SLFN12: variants seen among roughly 807,000 people sequenced by gnomAD.
SLFN12 encodes the protein ribonuclease SLFN12.
SLFN12 carries 25 observed loss-of-function variants against 29.1 expected under a neutral mutation model. That is an observed-to-expected ratio of 0.86 (90% CI 0.63 to 1.20). The LOEUF is 1.20. Ranked by LOEUF, SLFN12 falls within the 50% of genes most tolerant of loss-of-function variation. The pLI, the probability that SLFN12 is intolerant of heterozygous loss-of-function variation, is 0.00. For missense variants in SLFN12, 660 were observed against 666.2 expected, an observed-to-expected ratio of 0.99 and a Z score of 0.10; for synonymous variants, 257 against 238.7, an observed-to-expected ratio of 1.08 and a Z score of -0.71.
In SLFN12 at chr17:35,421,972, G is replaced by A. The variant is rs769677899; in HGVS notation, c.1039+18C>T. The A allele has an allele frequency of 2.5e-6, 4 of 1,605,770 alleles. No homozygotes were observed. The Admixed American group carries it at 6.7e-5, about 27-fold the overall frequency. On this transcript the variant is annotated intron_variant, in intron 2 of 3. Transcript: ENST00000304905. ...CCCAAGCCAAATGCATTCCTGTTGC[G>A]AATCCCCCGCTCTCAACTTGGTTCA...
chr17:35,417,342 T>C (rs1258155129), intron 3 of SLFN12, among the ~76,000 whole-genome samples: 1 of 152,160 alleles, frequency 6.6e-6, no homozygotes, highest in Non-Finnish European at 1.5e-5. Flanking sequence ...AATTCAGTAT[T>C]CATCCATGAT....
At chr17:35,420,064 C>A (rs1294446940) in intron 3 of SLFN12, among the ~76,000 whole-genome samples, 1 of 152,046 alleles carries the variant, frequency 6.6e-6, no homozygotes, top group East Asian at 1.9e-4. Flanking sequence ...CTCTTACTTT[C>A]AAGTAAACGA....
Position 35,422,161 on chromosome 17 carries a change from G to A in SLFN12, c.868C>T (p.Leu290Phe). 1 of 1,614,072 alleles carries A rather than the reference G, an allele frequency of 6.2e-7. No individual in the cohort carries two copies. The highest frequency in any genetic ancestry group is 8.5e-7 in the Non-Finnish European group (1 of 1,179,998). Residue 290 changes from leucine (L) to phenylalanine (F), a missense_variant, in exon 2 of 4, where the codon CTT (leucine) becomes TTT (phenylalanine). By Grantham distance (22) the Leu-to-Phe change is conservative (BLOSUM62 0). Transcript: ENST00000304905. ...AGACTTCCTTTATCATATACTCCAA[G>A]GAATTTGCATGAATAATTTATCTTC... Reference protein sequence around the residue: ...KKKINYSCKFLGVYDKGSLCG... With the variant: ...KKKINYSCKFFGVYDKGSLCG...
At chr17:35,421,962 T>C in intron 2 of SLFN12, 28 bp downstream of exon 2, 2 of 1,602,818 alleles carry the variant, frequency 1.2e-6, no homozygotes, top group East Asian at 2.2e-5. Context: ...GCCAAATGCA[T>C]TCCTGTTGCG....
At chr17:35,421,930 A>G in intron 2 of SLFN12, 60 bp downstream of exon 2, 2 of 1,567,214 alleles carry the variant, frequency 1.3e-6, no homozygotes, top group South Asian at 2.4e-5. Flanking sequence ...GATCCCATAG[A>G]GAAAACCTCC....
chr17:35,426,339 G>A (rs1185582487), intron 1 of SLFN12, among the ~76,000 whole-genome samples: 3 of 151,888 alleles, frequency 2.0e-5, no homozygotes, highest in Admixed American at 2.0e-4. Context: ...TTGCCTGTCC[G>A]CCATTGGGAT....
At chr17:35,419,509 A>G (rs554998470) in intron 3 of SLFN12, among the ~76,000 whole-genome samples, 1 of 152,296 alleles carries the variant, frequency 6.6e-6, no homozygotes, top group East Asian at 1.9e-4. Flanking sequence ...GCCAGTAAGT[A>G]TATGGAGAGA....
At chr17:35,415,702 A>G (rs546685197) in intron 3 of SLFN12, among the ~76,000 whole-genome samples, 1 of 152,280 alleles carries the variant, frequency 6.6e-6, no homozygotes, top group East Asian at 1.9e-4. Flanking sequence ...TGGGCAAAGG[A>G]TATAAATAGA....
At chr17:35,423,980 G>A (rs754950194) in intron 1 of SLFN12, among the ~76,000 whole-genome samples, 9 of 152,128 alleles carry the variant, frequency 5.9e-5, no homozygotes, top group Non-Finnish European at 1.2e-4. Flanking sequence ...AGAACTGTGA[G>A]TCATAAATTT....
intron 1 of SLFN12, among the ~76,000 whole-genome samples, chr17:35,431,065 T>C (rs868652667): frequency 4.6e-5 from 7 of 152,236 alleles, no homozygotes; most frequent in East Asian, 1.9e-4. Flanking sequence ...AGCATAATCA[T>C]GGGAAAAGCT....
rs1195637842 is a variant in SLFN12, at chr17:35,422,956, C to T, written c.73G>A (p.Glu25Lys). 16 of 1,613,660 alleles carry T rather than the reference C, an allele frequency of 9.9e-6. 1 individual carries two copies. ...VLDVGRVTLG[E>K]NSRKKMKDCK... ...TCCTTCATTTTTTTCCTACTGTTCT[C>T]TCCAAGAGTGACTCTTCCCACATCT... The change falls in exon 2 of 4, where the codon GAG becomes AAG. Residue 25 changes from glutamate (E) to lysine (K), a missense_variant. Glu to Lys is a moderately conservative substitution (Grantham distance 56, BLOSUM62 1). Transcript: ENST00000304905.
intron 1 of SLFN12, among the ~76,000 whole-genome samples, chr17:35,429,420 T>A (rs1912188424): frequency 6.6e-6 from 1 of 152,124 alleles, no homozygotes. Context: ...AAAAATGAGC[T>A]GGGGATTGAG....
chr17:35,419,835 A>G (rs934820677), intron 3 of SLFN12, among the ~76,000 whole-genome samples: 2 of 152,124 alleles, frequency 1.3e-5, no homozygotes, highest in African/African-American at 4.8e-5. Flanking sequence ...GTTCAAGGTA[A>G]CACTGTTCAT....
chr17:35,428,367 T>C (rs1170021998), intron 1 of SLFN12, among the ~76,000 whole-genome samples: 1 of 152,096 alleles, frequency 6.6e-6, no homozygotes, highest in African/African-American at 2.4e-5. Context: ...TTAGTGGGGA[T>C]TACAGAACTT....
At chr17:35,424,461 A>T (rs966547010) in intron 1 of SLFN12, among the ~76,000 whole-genome samples, 2 of 152,310 alleles carry the variant, frequency 1.3e-5, no homozygotes, top group South Asian at 2.1e-4. Context: ...AGTGTGACTT[A>T]AGTTTAACTT....
rs374496128 is a variant in SLFN12, at chr17:35,421,812, A to T, written c.1039+178T>A. Among the ~76,000 whole-genome samples, 419 of 151,744 alleles carry T rather than the reference A, an allele frequency of 2.8e-3. 1 individual carries two copies. Among genetic ancestry groups the T allele is most frequent in the East Asian group, 9.8e-3 (50 of 5,128 alleles). ...GCCTTGGCCTCCCAAAGTGCTGGGA[A>T]TACAGACGTGAGCCACCGCGCCTGG... On this transcript the variant is annotated intron_variant, in intron 2 of 3. Transcript: ENST00000304905.
Position 35,422,992 on chromosome 17 carries a change from C to T in SLFN12, c.37G>A (p.Glu13Lys), listed in dbSNP as rs943145903. 13 of 1,612,724 alleles carry T rather than the reference C, an allele frequency of 8.1e-6. 1 individual carries two copies. The highest frequency in any genetic ancestry group is 6.7e-5 in the East Asian group (3 of 44,896). ...ISVDLETNYA[E>K]LVLDVGRVTL... ...ACTCTTCCCACATCTAGAACCAACTCGGCATAATTCGTTTCCAAATCAACA... is the reference window on the plus strand; with the variant it reads ...ACTCTTCCCACATCTAGAACCAACTTGGCATAATTCGTTTCCAAATCAACA... Residue 13 changes from glutamate (E) to lysine (K), a missense_variant, in exon 2 of 4, where the codon GAG (glutamate) becomes AAG (lysine). Glu to Lys is a moderately conservative substitution (Grantham distance 56, BLOSUM62 1). Coordinates refer to ENST00000304905, the MANE Select transcript of SLFN12 (RefSeq NM_018042.5).
rs1414796518 is a variant in SLFN12, at chr17:35,411,697, T to C, written c.1378A>G (p.Met460Val). The change falls in exon 4 of 4, where the codon ATG becomes GTG. Residue 460 changes from methionine to valine, a missense_variant. Coordinates refer to ENST00000304905, the MANE Select transcript of SLFN12 (RefSeq NM_018042.5). ...DSPPVLYTFH[M>V]VQDEEFKGYS... The stretch of plus-strand genomic sequence containing the variant: ...CCTTTAAACTCCTCATCCTGTACCA[T>C]GTGGAAGGTGTATAGGACTGGAGGA... The C allele has an allele frequency of 1.2e-6, 2 of 1,613,910 alleles. No homozygotes were observed. The highest frequency in any genetic ancestry group is 1.7e-6 in the Non-Finnish European group (2 of 1,179,982).
chr17:35,413,749 CAAA>C (rs11362952), intron 3 of SLFN12, among the ~76,000 whole-genome samples: 3 of 78,406 alleles, frequency 3.8e-5, no homozygotes. Flanking sequence ...AACCATGTCT[CAAA>C]AAAAAAAAAA....
Sources: allele counts gnomAD v4.1 joint callset (sites outside exome capture counted in the v4.1 genomes callset), GRCh38; gene constraint gnomAD v4.1.1; transcripts MANE v1.5; gene names NCBI Gene and HGNC (gene_info 2026-07-23, HGNC 2026-07-21).